The following CDK19 variants were observed in gnomAD, a reference collection of about 807,000 sequenced individuals.
CDK19 encodes the protein cyclin-dependent kinase 19.
A neutral mutation model predicts 68.3 loss-of-function variants in CDK19; 20 were observed. The observed-to-expected ratio is 0.29, with a 90% CI of 0.21 to 0.43. CDK19 has a LOEUF of 0.43. CDK19 is among the 20% of genes least tolerant of loss of function. The pLI is 1.00. For missense variants in CDK19, 339 were observed against 623.5 expected (o/e 0.54, Z 4.86); for synonymous variants, 221 against 222.8 (o/e 0.99, Z 0.07).
chr6:110,770,687 G>T (rs1779955193), intron 1 of CDK19, among the ~76,000 whole-genome samples: 1 of 152,064 alleles, frequency 6.6e-6, no homozygotes, highest in South Asian at 2.1e-4. Context: ...ACTCATTTCA[G>T]CATTAACCCA....
chr6:110,702,406 C>G (rs1455608607), intron 2 of CDK19, among the ~76,000 whole-genome samples: 1 of 151,890 alleles, frequency 6.6e-6, no homozygotes, highest in East Asian at 1.9e-4. Flanking sequence ...GTGACTGTGC[C>G]ACTGCACTGC....
chr6:110,769,178 C>G (rs1779815449), intron 1 of CDK19, among the ~76,000 whole-genome samples: 1 of 145,002 alleles, frequency 6.9e-6, no homozygotes, highest in Non-Finnish European at 1.5e-5. Flanking sequence ...AAAAAAAACC[C>G]TAATGTAAAC....
intron 2 of CDK19, among the ~76,000 whole-genome samples, chr6:110,690,498 G>C (rs1245469766): frequency 6.6e-6 from 1 of 152,140 alleles, no homozygotes; most frequent in Admixed American, 6.5e-5. Flanking sequence ...ATTGGCTATT[G>C]CATTTACCCA....
chr6:110,633,097 T>C (rs1040497687), intron 5 of CDK19, among the ~76,000 whole-genome samples: 1 of 151,996 alleles, frequency 6.6e-6, no homozygotes, highest in Non-Finnish European at 1.5e-5. Context: ...CGCGCACCTG[T>C]AGTCCCAGCC....
intron 1 of CDK19, chr6:110,814,635 A>T (rs1400055222): frequency 2.1e-6 from 1 of 481,168 alleles, no homozygotes; most frequent in Middle Eastern, 3.1e-4. Context: ...CCAGGGCCGG[A>T]GCGGCAACTC....
intron 2 of CDK19, among the ~76,000 whole-genome samples, chr6:110,686,203 T>C (rs1318192120): frequency 6.6e-6 from 1 of 152,220 alleles, no homozygotes; most frequent in Non-Finnish European, 1.5e-5. Flanking sequence ...GGACAATTTT[T>C]AAATTACAGT....
chr6:110,807,584 C>T (rs781611187), intron 1 of CDK19, among the ~76,000 whole-genome samples: 2 of 152,042 alleles, frequency 1.3e-5, no homozygotes, highest in Non-Finnish European at 2.9e-5. Context: ...CTTAGCCTCC[C>T]GAGTAGCTGG....
At chr6:110,672,140 A>G (rs1481146043) in intron 2 of CDK19, among the ~76,000 whole-genome samples, 2 of 152,020 alleles carry the variant, frequency 1.3e-5, no homozygotes, top group South Asian at 2.1e-4. Context: ...AAGCACTTAC[A>G]CTGTGGCAAG....
intron 8 of CDK19, among the ~76,000 whole-genome samples, chr6:110,626,173 T>C (rs1225521118): frequency 1.3e-5 from 2 of 152,202 alleles, no homozygotes; most frequent in Non-Finnish European, 2.9e-5. Context: ...ACATAGCAGA[T>C]ATAAACTACC....
In CDK19 at chr6:110,646,437, A is replaced by AC; in HGVS notation, c.457-7732dup. On this transcript the variant is annotated intron_variant, in intron 4 of 12. Coordinates refer to ENST00000368911, the MANE Select transcript of CDK19 (RefSeq NM_015076.5). ...GACATGGCCTTCCCGCGCCGCAGCT[A>AC]CCCCATGCACCGCCTCATCCCTGAG... 2.7e-6 allele frequency: 4 copies of AC among 1,499,498 alleles called. No individual in the cohort carries two copies. In the South Asian group the frequency reaches 5.1e-5, roughly 19 times the overall value. 92.9% of individuals were successfully genotyped at this position (1,499,498 alleles called of 1,614,324 possible).
At chr6:110,706,627 A>T (rs1199542949) in intron 2 of CDK19, 1 of 150,424 alleles carries the variant, frequency 6.6e-6, no homozygotes, top group Non-Finnish European at 1.5e-5. Context: ...GTTAGCCAGG[A>T]TGGTCTTGAT....
intron 4 of CDK19, among the ~76,000 whole-genome samples, chr6:110,661,703 A>C (rs988962712): frequency 6.6e-6 from 1 of 152,202 alleles, no homozygotes; most frequent in Non-Finnish European, 1.5e-5. Flanking sequence ...ATAGACCTCT[A>C]ATAGAATAAG....
intron 1 of CDK19, among the ~76,000 whole-genome samples, chr6:110,796,910 T>C (rs1186691208): frequency 6.7e-6 from 1 of 149,606 alleles, no homozygotes; most frequent in East Asian, 2.0e-4. Flanking sequence ...CTCAGGAGAC[T>C]GAGGCACGAG....
intron 1 of CDK19, among the ~76,000 whole-genome samples, chr6:110,751,198 G>A (rs1778452335): frequency 6.6e-6 from 1 of 152,176 alleles, no homozygotes; most frequent in South Asian, 2.1e-4. Context: ...ATCCCTACCA[G>A]TTGGTGGCCT....
In CDK19 at chr6:110,815,269, C is replaced by T. The variant is rs981539359; in HGVS notation, c.-133G>A. On this transcript the variant is annotated 5_prime_UTR_variant, in exon 1 of 13. Coordinates refer to ENST00000368911, the MANE Select transcript of CDK19 (RefSeq NM_015076.5). ...CGCGCGCGCGCGCGCCGCCCGCCGCCCGCCGCTCCGCGGTCCGCCTTCAGC... is the reference window on the plus strand; with the variant it reads ...CGCGCGCGCGCGCGCCGCCCGCCGCTCGCCGCTCCGCGGTCCGCCTTCAGC... 7 of 1,055,532 alleles carry T rather than the reference C, an allele frequency of 6.6e-6. No homozygotes were observed. The African/African-American group carries it at 1.0e-4, about 15-fold the overall frequency. The allele number at this position is 1,055,532 out of a possible 1,614,324, so 65.4% of individuals were successfully genotyped here. A position where few individuals can be genotyped will look rare whatever the true frequency, so the allele number is the denominator to read the frequency against.
chr6:110,714,067 C>T (rs1255366556), intron 2 of CDK19, among the ~76,000 whole-genome samples: 1 of 152,172 alleles, frequency 6.6e-6, no homozygotes, highest in African/African-American at 2.4e-5. Flanking sequence ...AAAGAAACAG[C>T]ATATCCATTA....
At chr6:110,731,302 C>T (rs914743632) in intron 2 of CDK19, among the ~76,000 whole-genome samples, 26 of 152,190 alleles carry the variant, frequency 1.7e-4, no homozygotes, top group African/African-American at 5.5e-4. Context: ...GAAAAACAAT[C>T]TTCACAACCT....
chr6:110,784,158 C>CAAA (rs1170140844), intron 1 of CDK19, among the ~76,000 whole-genome samples: 930 of 61,306 alleles, frequency 0.015, 35 homozygotes, highest in African/African-American at 0.047. Flanking sequence ...GACTTCGTCT[C>CAAA]AAAAAAAAAA....
chr6:110,701,551 C>CAAAAAAAA (rs1166831323), intron 2 of CDK19, among the ~76,000 whole-genome samples: 1 of 123,550 alleles, frequency 8.1e-6, no homozygotes, highest in Non-Finnish European at 1.7e-5. Context: ...GACTCTGTCT[C>CAAAAAAAA]AAAAAAAAAA....
Sources: gnomAD v4.1 joint callset for allele counts (sites outside exome capture counted in the v4.1 genomes callset) on GRCh38, gnomAD v4.1.1 for gene constraint, MANE v1.5 for transcripts, NCBI Gene and HGNC (gene_info 2026-07-23, HGNC 2026-07-21) for gene names.